EXOC1L: variants seen among roughly 807,000 people sequenced by gnomAD.
EXOC1L encodes the protein exocyst complex component 1 like.
A neutral mutation model predicts 4.9 loss-of-function variants in EXOC1L; 10 were observed. That is an observed-to-expected ratio of 2.02 (90% CI 1.25 to 3.43). EXOC1L has a LOEUF of 3.43. Among genes scored for constraint, EXOC1L ranks in the 30% most tolerant of loss-of-function variants. EXOC1L has a pLI of 0.00. For missense variants in EXOC1L, 114 were observed against 59.4 expected, an observed-to-expected ratio of 1.92 and a Z score of -3.02; for synonymous variants, 41 against 20.8, an observed-to-expected ratio of 1.97 and a Z score of -2.63.
chr4:55,831,799 C>A (rs1720039337), intron 2 of EXOC1L, among the ~76,000 whole-genome samples: 1 of 152,024 alleles, frequency 6.6e-6, no homozygotes. Flanking sequence ...ACCACAATTT[C>A]CTCTATAAAT....
chr4:55,825,096 G>A (rs900546536), intron 1 of EXOC1L, among the ~76,000 whole-genome samples: 6 of 152,166 alleles, frequency 3.9e-5, no homozygotes, highest in African/African-American at 1.4e-4. Flanking sequence ...AGGGATAGCT[G>A]TAAGGCATGC....
chr4:55,824,034 A>G (rs1719812015), intron 1 of EXOC1L, among the ~76,000 whole-genome samples: 1 of 152,154 alleles, frequency 6.6e-6, no homozygotes, highest in African/African-American at 2.4e-5. Flanking sequence ...GATTTCCAAG[A>G]GATACATTTT....
At position 55,820,119 on chromosome 4, in the gene EXOC1L, C is replaced by T. The variant is rs1719703098; in HGVS notation, c.93C>T (p.Val31=). The change falls in exon 1 of 3, where the codon GTC becomes GTT. Residue 31 remains valine (V), a synonymous_variant. Transcript: ENST00000636125. ...LYEFIEIEFS[V]QDRYYLCVSV... ...AGTTTATTGAAATAGAGTTCTCCGT[C>T]CAGGACAGGTATTACCTCTGTGTGT... The T allele has an allele frequency of 2.5e-6, 1 of 398,870 alleles. No homozygotes were observed. The highest frequency in any genetic ancestry group is 4.4e-6 in the Non-Finnish European group (1 of 226,066). The allele number at this position is 398,870 out of a possible 1,614,324, so 24.7% of individuals were successfully genotyped here. A position where few individuals can be genotyped will look rare whatever the true frequency, so the allele number is the denominator to read the frequency against.
At position 55,819,856 on chromosome 4, in the gene EXOC1L, T is replaced by C. The variant is rs1463228199; in HGVS notation, c.-171T>C. The C allele has an allele frequency of 5.3e-6, 2 of 374,372 alleles. No homozygotes were observed. Among genetic ancestry groups the C allele is most frequent in the Admixed American group, 4.6e-5 (1 of 21,900 alleles). 23.2% of individuals were successfully genotyped at this position (374,372 alleles called of 1,614,324 possible). A position where few individuals can be genotyped will look rare whatever the true frequency, so the allele number is the denominator to read the frequency against. ...CAGTGAGGGGTCTGACCGCGCTGAG[T>C]GCTCTCGGGAATCTGGGCTCTGGCT... On this transcript the variant is annotated 5_prime_UTR_variant, in exon 1 of 3. Coordinates refer to ENST00000636125, the MANE Select transcript of EXOC1L (RefSeq NM_001351574.3).
At chr4:55,834,717 C>G (rs2110286021) in intron 2 of EXOC1L, among the ~76,000 whole-genome samples, 1 of 150,362 alleles carries the variant, frequency 6.7e-6, no homozygotes. Flanking sequence ...GTTATGAGCG[C>G]CAGAAAAAAA....
At chr4:55,828,826 G>C (rs1719954671) in intron 1 of EXOC1L, among the ~76,000 whole-genome samples, 1 of 152,130 alleles carries the variant, frequency 6.6e-6, no homozygotes, top group Admixed American at 6.5e-5. Context: ...TTGGGTAACA[G>C]AGTGAGACCC....
Position 55,822,395 on chromosome 4 carries a change from A to G in EXOC1L, c.121+2248A>G, listed in dbSNP as rs143673126. Among the ~76,000 whole-genome samples the G allele has an allele frequency of 4.6e-5, 7 of 152,250 alleles. No homozygotes were observed. In the East Asian group the frequency reaches 7.7e-4, roughly 17 times the overall value. The stretch of plus-strand genomic sequence containing the variant: ...AGCCCACTCCCACCTTAGGGTTTGC[A>G]TGGTCATTTCTCCCTGGAACTAGCG... On this transcript the variant is annotated intron_variant, in intron 1 of 2. Coordinates refer to ENST00000636125, the MANE Select transcript of EXOC1L (RefSeq NM_001351574.3).
At chr4:55,828,014 A>G in intron 1 of EXOC1L, among the ~76,000 whole-genome samples, 1 of 151,916 alleles carries the variant, frequency 6.6e-6, no homozygotes, top group East Asian at 1.9e-4. Context: ...GGGATCACAG[A>G]CTCTAAACTA....
At chr4:55,821,253 T>TA in intron 1 of EXOC1L, among the ~76,000 whole-genome samples, 1 of 152,234 alleles carries the variant, frequency 6.6e-6, no homozygotes. Flanking sequence ...CTTTAGCATA[T>TA]TTTGCTATAT....
chr4:55,822,808 A>G (rs1719780833), intron 1 of EXOC1L, among the ~76,000 whole-genome samples: 1 of 152,220 alleles, frequency 6.6e-6, no homozygotes, highest in South Asian at 2.1e-4. Flanking sequence ...TTAAATTCTT[A>G]CTAGGATAAA....
intron 2 of EXOC1L, among the ~76,000 whole-genome samples, chr4:55,835,537 A>G (rs981754090): frequency 6.6e-6 from 1 of 151,828 alleles, no homozygotes; most frequent in Non-Finnish European, 1.5e-5. Context: ...TGATTTTTTG[A>G]TTATGATCAT....
chr4:55,823,436 T>C lies in EXOC1L; in HGVS notation c.121+3289T>C, dbSNP rs145100377. Reference sequence around the variant, plus strand: ...GTCATTTCAGGAGATGATAGTATTGTCTGGAAGAGGTTAGTTTAATTTTTC... The same window carrying C: ...GTCATTTCAGGAGATGATAGTATTGCCTGGAAGAGGTTAGTTTAATTTTTC... On this transcript the variant is annotated intron_variant, in intron 1 of 2. Transcript: ENST00000636125. Among the ~76,000 whole-genome samples, 305 of 152,332 alleles carry C rather than the reference T, an allele frequency of 2.0e-3. 1 individual carries two copies. Among genetic ancestry groups the C allele is most frequent in the Middle Eastern group, 6.8e-3 (2 of 294 alleles).
intron 2 of EXOC1L, among the ~76,000 whole-genome samples, chr4:55,836,816 A>G (rs185160285): frequency 3.7e-4 from 57 of 152,070 alleles, no homozygotes; most frequent in Middle Eastern, 3.4e-3. Flanking sequence ...TACATTGAGA[A>G]GACTTAATAA....
chr4:55,826,000 G>A (rs1229051448), intron 1 of EXOC1L, among the ~76,000 whole-genome samples: 2 of 149,790 alleles, frequency 1.3e-5, no homozygotes, highest in African/African-American at 4.9e-5. Context: ...CAGGAGAATC[G>A]CTTGAACCCA....
At chr4:55,835,919 T>C (rs1465021888) in intron 2 of EXOC1L, among the ~76,000 whole-genome samples, 3 of 151,914 alleles carry the variant, frequency 2.0e-5, no homozygotes, top group African/African-American at 7.2e-5. Context: ...TATCATTTAT[T>C]AAGCTCCACG....
Position 55,824,727 on chromosome 4 carries a change from A to G in EXOC1L, c.121+4580A>G, listed in dbSNP as rs533536066. 6.6e-5 allele frequency among the ~76,000 whole-genome samples: 10 copies of G among 152,284 alleles called. 2 individuals carry two copies. The highest frequency in any genetic ancestry group is 5.8e-4 in the East Asian group (3 of 5,186). ...AGGGTAATTGTAGGTGAAGGTTACA[A>G]TATGGAAATGATGAAGCTCCCATTT... On this transcript the variant is annotated intron_variant, in intron 1 of 2. Transcript: ENST00000636125.
chr4:55,830,641 G>T (rs551987782), intron 1 of EXOC1L, among the ~76,000 whole-genome samples: 1 of 152,022 alleles, frequency 6.6e-6, no homozygotes, highest in Non-Finnish European at 1.5e-5. Context: ...CCCTCATTTT[G>T]TTCCCACAAA....
At chr4:55,826,107 G>GAAAAGAAA (rs1236349437) in intron 1 of EXOC1L, among the ~76,000 whole-genome samples, 2 of 146,104 alleles carry the variant, frequency 1.4e-5, no homozygotes, top group African/African-American at 2.5e-5. Flanking sequence ...AAAAAAGAAA[G>GAAAAGAAA]AAAAGAAAAA....
intron 1 of EXOC1L, 68 bp downstream of exon 1, chr4:55,820,215 A>ATTT: frequency 3.1e-6 from 1 of 326,900 alleles, no homozygotes; most frequent in Non-Finnish European, 5.5e-6. Flanking sequence ...GATAGAGGGA[A>ATTT]TTTTTTTTTT....
Sources: allele counts gnomAD v4.1 joint callset (sites outside exome capture counted in the v4.1 genomes callset), GRCh38; gene constraint gnomAD v4.1.1; transcripts MANE v1.5; gene names NCBI Gene and HGNC (gene_info 2026-07-23, HGNC 2026-07-21).